Variants in MYOM2 observed in about 807,000 individuals in gnomAD.
MYOM2 encodes the protein myomesin-2.
In MYOM2, 254 loss-of-function variants were observed where a neutral mutation model predicts 187.6. That is an observed-to-expected ratio of 1.35 (90% CI 1.22 to 1.50). The LOEUF is 1.50. Ranked by LOEUF, MYOM2 falls within the 40% of genes most tolerant of loss-of-function variation. The pLI is 0.00. For missense variants in MYOM2, 2,796 were observed against 1,924.0 expected, an observed-to-expected ratio of 1.45 and a Z score of -8.48; for synonymous variants, 981 against 753.8, an observed-to-expected ratio of 1.30 and a Z score of -4.94.
At chr8:2,116,303 C>A in intron 27 of MYOM2, 28 bp downstream of exon 27, 1 of 1,598,654 alleles carries the variant, frequency 6.3e-7, no homozygotes, top group Non-Finnish European at 8.5e-7. Flanking sequence ...GACCGGCTCC[C>A]CTGCCCCTAG....
At chr8:2,115,810 C>T (rs927293174) in intron 25 of MYOM2, 150 bp from the exon 26 acceptor site, 9 of 821,712 alleles carry the variant, frequency 1.1e-5, no homozygotes, top group Non-Finnish European at 1.7e-5. Flanking sequence ...TCCTTGTTCA[C>T]CCAGAGGTTT....
At chr8:2,114,638 TC>T (rs1210215322) in intron 25 of MYOM2, among the ~76,000 whole-genome samples, 1 of 152,096 alleles carries the variant, frequency 6.6e-6, no homozygotes, top group Non-Finnish European at 1.5e-5. Flanking sequence ...CCTGGCTAAT[TC>T]TTGTATTTTT....
intron 17 of MYOM2, among the ~76,000 whole-genome samples, chr8:2,094,386 G>A (rs1796412243): frequency 6.6e-6 from 1 of 152,210 alleles, no homozygotes; most frequent in Non-Finnish European, 1.5e-5. Context: ...TGGCGCAATG[G>A]CTCATGCCTG....
chr8:2,134,453 T>G (rs1797995621), intron 32 of MYOM2, among the ~76,000 whole-genome samples: 1 of 152,262 alleles, frequency 6.6e-6, no homozygotes, highest in South Asian at 2.1e-4. Flanking sequence ...ACGTTATTAT[T>G]TTTCTCTTGG....
At position 2,129,224 on chromosome 8, in the gene MYOM2, G is replaced by A. The variant is rs754874269; in HGVS notation, c.3792G>A (p.Trp1264Ter). 6.2e-6 allele frequency: 10 copies of A among 1,606,470 alleles called. No homozygotes were observed. The highest frequency in any genetic ancestry group is 1.3e-5 in the African/African-American group (1 of 74,820). Residue 1264 changes from tryptophan to a stop codon, truncating the protein, a stop_gained, in exon 32 of 37, where the codon TGG becomes TGA. Transcript: ENST00000262113. LOFTEE classifies it high-confidence loss of function. ...TTACAGACGAAATGAAAGTGAACTG[G>A]TGTCACAAGTAAGTATGACAGCAGC... ...KYFTDEMKVN[W>*]CHKDAKISSS...
intron 18 of MYOM2, chr8:2,097,306 G>A (rs930736274): frequency 1.3e-5 from 2 of 155,930 alleles, no homozygotes; most frequent in Non-Finnish European, 2.8e-5. Context: ...TTCAACCTCT[G>A]TTCTGATCCC....
chr8:2,141,399 G>A (rs1045098010), intron 34 of MYOM2, among the ~76,000 whole-genome samples: 10 of 152,184 alleles, frequency 6.6e-5, no homozygotes, highest in African/African-American at 9.7e-5. Flanking sequence ...TCGGAACCCC[G>A]GATGAATTTC....
At chr8:2,054,018 C>T (rs572579826) in intron 3 of MYOM2, among the ~76,000 whole-genome samples, 1 of 152,086 alleles carries the variant, frequency 6.6e-6, no homozygotes. Flanking sequence ...GCAGAAGGGC[C>T]CAGGAGGGAT....
chr8:2,047,422 G>A (rs1179737460), intron 1 of MYOM2, among the ~76,000 whole-genome samples: 2 of 139,012 alleles, frequency 1.4e-5, no homozygotes, highest in African/African-American at 2.5e-5. Context: ...TTTCTGGGTT[G>A]GGCATGTGAT....
rs181762576 is a variant in MYOM2, at chr8:2,086,668, G to A, written c.1644+1278G>A. 5.6e-4 allele frequency among the ~76,000 whole-genome samples: 85 copies of A among 152,378 alleles called. 1 individual carries two copies. The highest frequency in any genetic ancestry group is 2.5e-3 in the South Asian group (12 of 4,826). ...AATTGGCACCAGGGGGCTGGGTTGC[G>A]TCCTAGCTGGGCGTTGCCCCTCGGT... On this transcript the variant is annotated intron_variant, in intron 14 of 36. Transcript: ENST00000262113.
chr8:2,079,352 C>T (rs542197885), intron 12 of MYOM2, among the ~76,000 whole-genome samples: 3 of 152,100 alleles, frequency 2.0e-5, no homozygotes, highest in African/African-American at 4.8e-5. Context: ...ATTTTCCTTA[C>T]GCACATGGTC....
At chr8:2,127,189 T>C (rs905259097) in intron 31 of MYOM2, among the ~76,000 whole-genome samples, 23 of 152,000 alleles carry the variant, frequency 1.5e-4, no homozygotes, top group African/African-American at 5.6e-4. Flanking sequence ...CTTCACCCAG[T>C]TCCCAAGCTC....
At chr8:2,056,633 T>G (rs2129329027) in intron 3 of MYOM2, among the ~76,000 whole-genome samples, 1 of 152,328 alleles carries the variant, frequency 6.6e-6, no homozygotes, top group South Asian at 2.1e-4. Flanking sequence ...AATACTTTAA[T>G]TCAGTTTTAA....
In MYOM2 at chr8:2,073,445, G is replaced by GCGCAT; in HGVS notation, c.1068_1072dup (p.Val358AlafsTer46). The GCGCAT allele has an allele frequency of 6.2e-7, 1 of 1,612,014 alleles. No individual in the cohort carries two copies. The highest frequency in any genetic ancestry group is 8.5e-7 in the Non-Finnish European group (1 of 1,179,710). ...AGGACGACGAGGGCCTGTACACCCT[G>GCGCAT]CGCATCGTGTCTCGGGGCGGCGTCA... On this transcript the variant is annotated frameshift_variant, in exon 10 of 37. Transcript: ENST00000262113. LOFTEE classifies it high-confidence loss of function.
chr8:2,064,185 G>A (rs1818938833), intron 6 of MYOM2, among the ~76,000 whole-genome samples: 1 of 152,188 alleles, frequency 6.6e-6, no homozygotes, highest in Non-Finnish European at 1.5e-5. Flanking sequence ...CTGCTTCCCG[G>A]CCTCGGGGCA....
Position 2,078,950 on chromosome 8 carries a change from T to G in MYOM2, c.1462+17T>G, listed in dbSNP as rs1819528971. On this transcript the variant is annotated intron_variant, in intron 12 of 36. Transcript: ENST00000262113. The stretch of plus-strand genomic sequence containing the variant: ...GGTTACAAGGTAAGCTGCTCACGCC[T>G]AAGTATCCACTGTGCCCAGGAAGCT... The G allele has an allele frequency of 1.2e-6, 2 of 1,610,952 alleles. No homozygotes were observed. The highest frequency in any genetic ancestry group is 1.7e-6 in the Non-Finnish European group (2 of 1,177,924).
chr8:2,058,999 T>G (rs777490744), intron 5 of MYOM2, among the ~76,000 whole-genome samples, 154 bp from the exon 6 acceptor site: 7 of 152,248 alleles, frequency 4.6e-5, no homozygotes, highest in Non-Finnish European at 1.0e-4. Context: ...GTGCGAACTC[T>G]GGGCCTCACC....
intron 18 of MYOM2, among the ~76,000 whole-genome samples, chr8:2,098,284 G>C (rs896551547): frequency 6.6e-6 from 1 of 152,126 alleles, no homozygotes; most frequent in Non-Finnish European, 1.5e-5. Context: ...TTGGTCAAAG[G>C]CCTCCCTGGT....
intron 24 of MYOM2, 68 bp downstream of exon 24, chr8:2,108,898 A>G (rs1796979133): frequency 2.0e-6 from 3 of 1,488,684 alleles, no homozygotes; most frequent in Non-Finnish European, 2.8e-6. Context: ...TCATTAATGC[A>G]TGAGCTCTTG....
Sources: gnomAD v4.1 joint callset for allele counts (sites outside exome capture counted in the v4.1 genomes callset) on GRCh38, gnomAD v4.1.1 for gene constraint, MANE v1.5 for transcripts, NCBI Gene and HGNC (gene_info 2026-07-23, HGNC 2026-07-21) for gene names.